MPP7: variants seen among roughly 807,000 people sequenced by gnomAD.
MPP7 encodes the protein MAGUK p55 scaffold protein 7.
A neutral mutation model predicts 76.5 loss-of-function variants in MPP7; 60 were observed. The observed-to-expected ratio is 0.78, with a 90% CI of 0.64 to 0.97. MPP7 has a LOEUF of 0.97. Ranked by LOEUF, MPP7 falls within the 50% of genes least tolerant of loss-of-function variation. The probability of loss-of-function intolerance (pLI) is 0.00; values close to 1 mark genes in which losing one functional copy is unlikely to be tolerated. For missense variants in MPP7, 641 were observed against 694.0 expected (o/e 0.92, Z 0.86); for synonymous variants, 237 against 244.5 (o/e 0.97, Z 0.29).
chr10:28,238,550 C>A lies in MPP7; in HGVS notation c.37+18G>T. 1 of 1,613,570 alleles carries A rather than the reference C, an allele frequency of 6.2e-7. No homozygotes were observed. Among genetic ancestry groups the A allele is most frequent in the Non-Finnish European group, 8.5e-7 (1 of 1,179,540 alleles). On this transcript the variant is annotated intron_variant, in intron 2 of 16. Transcript: ENST00000683449. The stretch of plus-strand genomic sequence containing the variant: ...AAGCAAAGATGGAATGAGAACTGCC[C>A]CTCTTGGGGTCACATACCAGTGTCA...
chr10:28,246,818 G>T (rs1194242862), intron 1 of MPP7, among the ~76,000 whole-genome samples: 1 of 151,786 alleles, frequency 6.6e-6, no homozygotes, highest in Non-Finnish European at 1.5e-5. Context: ...TTACAATTTG[G>T]ATTACAATTC....
At chr10:28,243,281 CTA>C (rs1170723425) in intron 1 of MPP7, among the ~76,000 whole-genome samples, 1 of 152,120 alleles carries the variant, frequency 6.6e-6, no homozygotes, top group African/African-American at 2.4e-5. Context: ...GCTCATTTTG[CTA>C]TGTTAACTGA....
chr10:28,060,252 C>T (rs1479892734), intron 13 of MPP7, among the ~76,000 whole-genome samples: 3 of 152,154 alleles, frequency 2.0e-5, no homozygotes, highest in African/African-American at 7.2e-5. Context: ...ACTCATTCCT[C>T]CTTTGCAAAG....
chr10:28,208,928 C>G (rs1838037320), intron 2 of MPP7, among the ~76,000 whole-genome samples: 1 of 150,322 alleles, frequency 6.7e-6, no homozygotes, highest in South Asian at 2.1e-4. Context: ...GGGGGTGGAT[C>G]CCTCATGGCT....
At chr10:28,124,653 T>G (rs567113178) in intron 7 of MPP7, among the ~76,000 whole-genome samples, 12 of 151,294 alleles carry the variant, frequency 7.9e-5, no homozygotes, top group Middle Eastern at 3.4e-3. Flanking sequence ...TTTTTTTTTT[T>G]TTTGTATTTT....
At chr10:28,192,381 C>T (rs1348838064) in intron 3 of MPP7, among the ~76,000 whole-genome samples, 1 of 152,090 alleles carries the variant, frequency 6.6e-6, no homozygotes, top group African/African-American at 2.4e-5. Context: ...TCAACAACAG[C>T]AAAAGACCTT....
chr10:28,282,729 ATCT>A (rs949300762), intron 1 of MPP7, among the ~76,000 whole-genome samples: 31 of 151,954 alleles, frequency 2.0e-4, no homozygotes, highest in African/African-American at 6.1e-4. Context: ...CAGTCATCAA[ATCT>A]TCTCCCTTAC....
At chr10:28,193,159 G>A (rs534739280) in intron 3 of MPP7, among the ~76,000 whole-genome samples, 1 of 151,934 alleles carries the variant, frequency 6.6e-6, no homozygotes, top group South Asian at 2.1e-4. Flanking sequence ...GAATATCTAA[G>A]TGACCTTGAG....
chr10:28,269,569 C>G (rs1840256839), intron 1 of MPP7, among the ~76,000 whole-genome samples: 1 of 150,364 alleles, frequency 6.7e-6, no homozygotes, highest in East Asian at 2.0e-4. Context: ...CTCTGTCACC[C>G]AGGCTGGAGT....
At chr10:28,125,184 A>G in intron 6 of MPP7, 93 bp from the exon 7 acceptor site, 1 of 1,098,618 alleles carries the variant, frequency 9.1e-7, no homozygotes, top group Non-Finnish European at 1.4e-6. Flanking sequence ...GAAAAAAGAG[A>G]AAACAACTAC....
chr10:28,208,291 G>T (rs1346653976), intron 2 of MPP7, among the ~76,000 whole-genome samples: 3 of 152,138 alleles, frequency 2.0e-5, no homozygotes, highest in African/African-American at 7.2e-5. Flanking sequence ...TAGCAAGCAG[G>T]AAACACTTCT....
chr10:28,308,271 T>C (rs1043611538), intron 2 of MPP7, among the ~76,000 whole-genome samples: 4 of 152,132 alleles, frequency 2.6e-5, no homozygotes, highest in Non-Finnish European at 5.9e-5. Flanking sequence ...TGGTCTTCAG[T>C]GTTCTCTCTC....
In MPP7 at chr10:28,119,699, G is replaced by T. The variant is rs760796518; in HGVS notation, c.904C>A (p.Arg302=). The T allele has an allele frequency of 6.8e-6, 11 of 1,613,422 alleles. No homozygotes were observed. Among genetic ancestry groups the T allele is most frequent in the Non-Finnish European group, 9.3e-6 (11 of 1,179,700 alleles). The change falls in exon 11 of 17, where the codon CGA becomes AGA. Residue 302 remains arginine, a synonymous_variant. Transcript: ENST00000683449. ...HFQERRLALR[R]PEILVQPLKV... is the part of the protein sequence containing the mutation. ...AGGGGCTGAACCAATATTTCTGGTC[G>T]TCTCAAAGCCAATCTCCTGGGAGAA...
At chr10:28,321,156 T>C (rs777400343) in intron 2 of MPP7, among the ~76,000 whole-genome samples, 4 of 152,162 alleles carry the variant, frequency 2.6e-5, no homozygotes, top group Non-Finnish European at 5.9e-5. Context: ...ATCTCAAATA[T>C]ATATGTAGTT....
intron 11 of MPP7, among the ~76,000 whole-genome samples, chr10:28,093,751 T>C (rs1332555108): frequency 6.6e-6 from 1 of 152,114 alleles, no homozygotes; most frequent in Admixed American, 6.5e-5. Flanking sequence ...CCAGCCAAGT[T>C]TTTACTTTCA....
chr10:28,067,982 T>C (rs1852059624), intron 13 of MPP7, among the ~76,000 whole-genome samples: 1 of 152,140 alleles, frequency 6.6e-6, no homozygotes, highest in Admixed American at 6.5e-5. Flanking sequence ...TCAACCATCT[T>C]ATACTTGACT....
At position 28,238,649 on chromosome 10, in the gene MPP7, C is replaced by G; in HGVS notation, c.-45G>C. On this transcript the variant is annotated 5_prime_UTR_variant, in exon 2 of 17. Coordinates refer to ENST00000683449, the MANE Select transcript of MPP7 (RefSeq NM_001318170.2). ...GGTCAGCCCACCGCTCTCCGGACAC[C>G]CTGCCTTCGGACAGCCACAGGGAAT... The G allele has an allele frequency of 1.9e-6, 3 of 1,610,096 alleles. No homozygotes were observed. The highest frequency in any genetic ancestry group is 2.5e-6 in the Non-Finnish European group (3 of 1,176,700).
At chr10:28,330,487 TA>T (rs1262138690) in intron 1 of MPP7, among the ~76,000 whole-genome samples, 21 of 140,382 alleles carry the variant, frequency 1.5e-4, no homozygotes, top group African/African-American at 6.0e-4. Context: ...TAGACTTTTT[TA>T]AAAAAAGCAG....
intron 1 of MPP7, among the ~76,000 whole-genome samples, chr10:28,284,414 G>A (rs998996411): frequency 4.6e-5 from 7 of 152,198 alleles, no homozygotes; most frequent in Admixed American, 3.3e-4. Context: ...GCCTGAAGCA[G>A]GAGGACCTGT....
Sources: allele counts gnomAD v4.1 joint callset (sites outside exome capture counted in the v4.1 genomes callset), GRCh38; gene constraint gnomAD v4.1.1; transcripts MANE v1.5; gene names NCBI Gene and HGNC (gene_info 2026-07-23, HGNC 2026-07-21).